STK17A: variants seen among roughly 807,000 people sequenced by gnomAD.
STK17A encodes the protein serine/threonine-protein kinase 17A.
Under a neutral mutation model 43.7 loss-of-function variants are expected in STK17A, and 26 were observed. That is an observed-to-expected ratio of 0.60 (90% CI 0.44 to 0.83). STK17A has a LOEUF of 0.83. STK17A is among the 40% of genes least tolerant of loss of function. The pLI is 0.00. For missense variants in STK17A, 476 were observed against 511.6 expected (o/e 0.93, Z 0.67); for synonymous variants, 191 against 182.5 (o/e 1.05, Z -0.38).
intron 2 of STK17A, among the ~76,000 whole-genome samples, chr7:43,599,870 G>C (rs1011640577): frequency 6.6e-6 from 1 of 151,434 alleles, no homozygotes; most frequent in Non-Finnish European, 1.5e-5. Context: ...AGGGAGCAGG[G>C]GTGGTCAGGT....
rs1243144410 is a variant in STK17A at position 43,623,566 on chromosome 7, T to TA, written c.692-5dup. 10 of 1,608,004 alleles carry TA rather than the reference T, an allele frequency of 6.2e-6. No individual in the cohort carries two copies. The Admixed American group carries it at 8.4e-5, about 14-fold the overall frequency. ...ACTAAATGTTTTCTTCTCTTTCTGA[T>TA]ACTAGCTCCTGAAATTCTTAGTTAT... On this transcript the variant is annotated splice_polypyrimidine_tract_variant and splice_region_variant and intron_variant, in intron 4 of 6. Coordinates refer to ENST00000319357, the MANE Select transcript of STK17A (RefSeq NM_004760.3).
At chr7:43,619,479 T>G (rs2083650952) in intron 3 of STK17A, 118 bp from the exon 4 acceptor site, 17 of 1,260,202 alleles carry the variant, frequency 1.3e-5, no homozygotes, top group Admixed American at 2.2e-5. Context: ...AACAAATGAC[T>G]GTTTACTGTT....
chr7:43,610,248 G>A (rs1281365008), intron 3 of STK17A, among the ~76,000 whole-genome samples: 1 of 150,868 alleles, frequency 6.6e-6, no homozygotes, highest in Non-Finnish European at 1.5e-5. Flanking sequence ...TTGGGAGGCT[G>A]AGGCAGGAGA....
At chr7:43,596,579 G>C (rs766329101) in intron 2 of STK17A, among the ~76,000 whole-genome samples, 13 of 152,054 alleles carry the variant, frequency 8.5e-5, no homozygotes, top group Non-Finnish European at 1.2e-4. Context: ...AGAAATCCTG[G>C]TTTCATACCA....
intron 1 of STK17A, among the ~76,000 whole-genome samples, chr7:43,595,285 TTTCC>T (rs1159190568): frequency 2.1e-4 from 31 of 146,814 alleles, no homozygotes; most frequent in African/African-American, 7.0e-4. Flanking sequence ...TTTTTTTTTT[TTTCC>T]CCCCTGGAGA....
intron 1 of STK17A, among the ~76,000 whole-genome samples, chr7:43,591,932 T>C (rs1019052697): frequency 8.6e-5 from 13 of 151,686 alleles, no homozygotes; most frequent in Admixed American, 3.3e-4. Context: ...TTTTACTTAC[T>C]GCACAGTACT....
chr7:43,609,488 TTG>T (rs1251798749), intron 3 of STK17A: 2 of 152,254 alleles, frequency 1.3e-5, no homozygotes, highest in East Asian at 3.8e-4. Flanking sequence ...TCAAAACCAG[TTG>T]TGTTTCTGAA....
intron 2 of STK17A, among the ~76,000 whole-genome samples, chr7:43,600,916 A>G (rs192443944): frequency 6.6e-6 from 1 of 152,288 alleles, no homozygotes; most frequent in Admixed American, 6.5e-5. Context: ...ACAAGGAAAT[A>G]TTAGGCAGTT....
At chr7:43,592,688 A>T (rs1296439002) in intron 1 of STK17A, among the ~76,000 whole-genome samples, 5 of 63,100 alleles carry the variant, frequency 7.9e-5, no homozygotes, top group African/African-American at 1.2e-4. Flanking sequence ...CATCTGTACT[A>T]AAAAAAAAAA....
intron 2 of STK17A, among the ~76,000 whole-genome samples, chr7:43,603,974 T>G (rs1255867332): frequency 6.6e-6 from 1 of 152,204 alleles, no homozygotes; most frequent in Admixed American, 6.5e-5. Flanking sequence ...TCCCAAATGC[T>G]TCTGGTCCCA....
chr7:43,600,379 A>AT (rs1385402778), intron 2 of STK17A, among the ~76,000 whole-genome samples: 1 of 152,000 alleles, frequency 6.6e-6, no homozygotes, highest in Non-Finnish European at 1.5e-5. Flanking sequence ...GACTTTAAGG[A>AT]TTTTTTATCT....
rs971124020 is a variant in STK17A at position 43,626,796 on chromosome 7, T to C, written c.*1954T>C. On this transcript the variant is annotated 3_prime_UTR_variant, in exon 7 of 7. Coordinates refer to ENST00000319357, the MANE Select transcript of STK17A (RefSeq NM_004760.3). ...AATATATTTAATATAATTGCTGTAT[T>C]TGTGAGAAAGATCTGTTTTCTTTTA... 6.6e-6 allele frequency: 1 copy of C among 152,216 alleles called. No homozygotes were observed. The highest frequency in any genetic ancestry group is 2.4e-5 in the African/African-American group (1 of 41,462). 9.4% of individuals were successfully genotyped at this position (152,216 alleles called of 1,614,324 possible).
chr7:43,597,420 C>T (rs928354049), intron 2 of STK17A, among the ~76,000 whole-genome samples: 2 of 151,736 alleles, frequency 1.3e-5, no homozygotes, highest in Non-Finnish European at 2.9e-5. Context: ...TGGATTTTCA[C>T]TCTTGTTGCC....
In STK17A at chr7:43,626,704, G is replaced by C. The variant is rs1413510192; in HGVS notation, c.*1862G>C. 6.6e-6 allele frequency: 1 copy of C among 152,180 alleles called. No individual in the cohort carries two copies. The allele number at this position is 152,180 out of a possible 1,614,324, so 9.4% of individuals were successfully genotyped here. A position where few individuals can be genotyped will look rare whatever the true frequency, so the allele number is the denominator to read the frequency against. On this transcript the variant is annotated 3_prime_UTR_variant, in exon 7 of 7. Coordinates refer to ENST00000319357, the MANE Select transcript of STK17A (RefSeq NM_004760.3). ...TTGAATGACACGTTTGTACTTGATGGATCTGTCATCAAGTTTTAAAATCAG... is the reference window on the plus strand; with the variant it reads ...TTGAATGACACGTTTGTACTTGATGCATCTGTCATCAAGTTTTAAAATCAG...
intron 1 of STK17A, among the ~76,000 whole-genome samples, chr7:43,584,596 A>G (rs527558220): frequency 4.5e-4 from 69 of 152,196 alleles, no homozygotes; most frequent in African/African-American, 1.6e-3. Flanking sequence ...AAGGCAAACA[A>G]TGTAACATTG....
At position 43,583,202 on chromosome 7, in the gene STK17A, C is replaced by G. The variant is rs368227991; in HGVS notation, c.-42C>G. On this transcript the variant is annotated 5_prime_UTR_variant, in exon 1 of 7. Coordinates refer to ENST00000319357, the MANE Select transcript of STK17A (RefSeq NM_004760.3). ...GCGGGTCCGTGACCCTCCGGCTGCT[C>G]GGAGTGAACAGGCGGCCAGGAAAGA... 1.3e-6 allele frequency: 2 copies of G among 1,549,070 alleles called. No individual in the cohort carries two copies. Among genetic ancestry groups the G allele is most frequent in the Admixed American group, 1.9e-5 (1 of 53,084 alleles).
rs997105690 is a variant in STK17A, at chr7:43,619,727, A to G, written c.691+4A>G. 4.3e-6 allele frequency: 7 copies of G among 1,613,162 alleles called. No individual in the cohort carries two copies. The highest frequency in any genetic ancestry group is 1.7e-4 in the Middle Eastern group (1 of 6,056). ...ATGGGTACCCCTGAATATGTGGGTA[A>G]GTATTCATAAAAGTAGTTTTGTTCT... On this transcript the variant is annotated splice_donor_region_variant and intron_variant, in intron 4 of 6. Transcript: ENST00000319357.
intron 3 of STK17A, among the ~76,000 whole-genome samples, chr7:43,614,996 A>G (rs1006327519): frequency 6.6e-6 from 1 of 152,228 alleles, no homozygotes; most frequent in African/African-American, 2.4e-5. Context: ...TTTACTAATC[A>G]CAAGAAAATC....
intron 4 of STK17A, chr7:43,622,891 CAG>C (rs796633054): frequency 2.0e-5 from 3 of 152,328 alleles, no homozygotes; most frequent in African/African-American, 7.2e-5. Flanking sequence ...TTTGTAGAGA[CAG>C]AGTCTCATTA....
Sources: gnomAD v4.1 joint callset for allele counts (sites outside exome capture counted in the v4.1 genomes callset) on GRCh38, gnomAD v4.1.1 for gene constraint, MANE v1.5 for transcripts, NCBI Gene and HGNC (gene_info 2026-07-23, HGNC 2026-07-21) for gene names.